The following ZFAND2B variants were observed in gnomAD, a reference collection of about 807,000 sequenced individuals.
The protein encoded by ZFAND2B is zinc finger AN1-type containing 2B, also known as AN1-type zinc finger protein 2B.
ZFAND2B carries 27 observed loss-of-function variants against 38.2 expected under a neutral mutation model. The observed-to-expected ratio is 0.71, with a 90% confidence interval of 0.52 to 0.97. The LOEUF (loss-of-function observed/expected upper bound fraction) is 0.97, where lower values mean the gene tolerates loss of function less well. Among genes scored for constraint, ZFAND2B ranks in the 50% least tolerant of loss-of-function variants. The pLI is 0.00. For missense variants in ZFAND2B, 303 were observed against 331.5 expected, an observed-to-expected ratio of 0.91 and a Z score of 0.67; for synonymous variants, 111 against 119.4, an observed-to-expected ratio of 0.93 and a Z score of 0.46.
In ZFAND2B at chr2:219,208,615, C is replaced by T; in HGVS notation, c.632C>T (p.Ala211Val). 2 of 1,614,012 alleles carry T rather than the reference C, an allele frequency of 1.2e-6. No individual in the cohort carries two copies. The highest frequency in any genetic ancestry group is 8.5e-7 in the Non-Finnish European group (1 of 1,179,920). The change falls in exon 7 of 9, where the codon GCA becomes GTA. Residue 211 changes from alanine (A) to valine (V), a missense_variant. Physicochemically the swap from Ala to Val is moderately conservative, Grantham distance 64. Transcript: ENST00000289528. Reference protein sequence around the residue: ...ALQRALEMSLAETKPQVPSCQ... With the variant: ...ALQRALEMSLVETKPQVPSCQ... ...CAGCGGGCCCTGGAAATGTCCCTGG[C>T]AGAAACCAAACCCCAGGTTCCAAGG...
rs943161371 is a variant in ZFAND2B, at chr2:219,206,783, T to C, written c.-205T>C. The C allele has an allele frequency of 8.7e-6, 4 of 458,368 alleles. No homozygotes were observed. Among genetic ancestry groups the C allele is most frequent in the South Asian group, 4.5e-5 (1 of 22,152 alleles). 28.4% of individuals were successfully genotyped at this position (458,368 alleles called of 1,614,324 possible). On this transcript the variant is annotated 5_prime_UTR_variant, in exon 1 of 9. Transcript: ENST00000289528. ...GACGCGCCAGCCCTGCGGGATGACG[T>C]CAGCGCGCCGCGCGCGCCGAGGGAG...
Position 219,208,422 on chromosome 2 carries a change from G to A in ZFAND2B, c.528-4G>A, listed in dbSNP as rs372934928. On this transcript the variant is annotated splice_region_variant and splice_polypyrimidine_tract_variant and intron_variant, in intron 5 of 8. Coordinates refer to ENST00000289528, the MANE Select transcript of ZFAND2B (RefSeq NM_138802.3). The stretch of plus-strand genomic sequence containing the variant: ...GACCTCCACCTCTTCAATGTCTGTC[G>A]TAGAGCCACAACCCGATCTCCGTCC... 2.6e-5 allele frequency: 42 copies of A among 1,613,992 alleles called. No individual in the cohort carries two copies. The highest frequency in any genetic ancestry group is 4.5e-5 in the East Asian group (2 of 44,892).
Position 219,209,004 on chromosome 2 carries a change from A to G in ZFAND2B, c.684A>G (p.Leu228=). The change falls in exon 8 of 9, where the codon TTA becomes TTG. Residue 228 remains leucine (L), a synonymous_variant. Coordinates refer to ENST00000289528, the MANE Select transcript of ZFAND2B (RefSeq NM_138802.3). The part of the protein sequence containing the change: ...PSCQEEEDLA[L]AQALSASEAE... ...GTCAGGAGGAAGAAGACCTAGCTTT[A>G]GCACAAGCACTGTCAGCCAGTGAGG... The G allele has an allele frequency of 6.2e-7, 1 of 1,614,230 alleles. No homozygotes were observed. The highest frequency in any genetic ancestry group is 2.2e-5 in the East Asian group (1 of 44,882).
chr2:219,208,375 CCT>C (rs1950522769), intron 5 of ZFAND2B, 27 bp downstream of exon 5: 2 of 1,614,222 alleles, frequency 1.2e-6, no homozygotes, highest in Non-Finnish European at 1.7e-6. Flanking sequence ...CCCTGCTCCC[CCT>C]TTTTCCCCTT....
In ZFAND2B at chr2:219,207,384, C is replaced by T; in HGVS notation, c.113C>T (p.Ala38Val). Residue 38 changes from alanine (A) to valine (V), a missense_variant, in exon 2 of 9, where the codon GCC (alanine) becomes GTC (valine). Physicochemically the swap from Ala to Val is moderately conservative, Grantham distance 64. Transcript: ENST00000289528. ...CSGIFCADHV[A>V]YAQHHCGSAY... ...GGCATCTTCTGCGCAGACCATGTGG[C>T]CTACGCCCAGCATCACTGTGGATCT... is the stretch of plus-strand genomic sequence containing the variant. The T allele has an allele frequency of 6.2e-7, 1 of 1,612,902 alleles. No individual in the cohort carries two copies. Among genetic ancestry groups the T allele is most frequent in the South Asian group, 1.1e-5 (1 of 91,072 alleles).
chr2:219,208,547 G>A (rs201722407), intron 6 of ZFAND2B, 25 bp from the exon 7 acceptor site: 1 of 1,614,206 alleles, frequency 6.2e-7, no homozygotes, highest in South Asian at 1.1e-5. Flanking sequence ...GTCCAAGGAC[G>A]CTGGTCTTCT....
Position 219,208,023 on chromosome 2 carries a change from C to A in ZFAND2B, c.419C>A (p.Pro140Gln). ...LDHDCSGEGH[P>Q]TSRAGLAAIS... ...CATGATTGCTCTGGGGAGGGGCACC[C>A]AACCAGCCGGGCAGGGTAATGGCAG... Residue 140 changes from proline to glutamine, a missense_variant, in exon 4 of 9, where the codon CCA becomes CAA. Coordinates refer to ENST00000289528, the MANE Select transcript of ZFAND2B (RefSeq NM_138802.3). The A allele has an allele frequency of 6.2e-7, 1 of 1,614,082 alleles. No homozygotes were observed. Among genetic ancestry groups the A allele is most frequent in the Non-Finnish European group, 8.5e-7 (1 of 1,180,044 alleles).
In ZFAND2B at chr2:219,208,044, G is replaced by T. The variant is rs4674366; in HGVS notation, c.434+6G>T. On this transcript the variant is annotated splice_donor_region_variant and intron_variant, in intron 4 of 8. Coordinates refer to ENST00000289528, the MANE Select transcript of ZFAND2B (RefSeq NM_138802.3). ...CACCCAACCAGCCGGGCAGGGTAATGGCAGCCAAGTCCTCCACTTGCTTTT... is the reference window on the plus strand; with the variant it reads ...CACCCAACCAGCCGGGCAGGGTAATTGCAGCCAAGTCCTCCACTTGCTTTT... 1 allele frequency: 1,609,570 copies of T among 1,613,824 alleles called. 802,735 individuals carry two copies. Among genetic ancestry groups the T allele is most frequent in the East Asian group, 1 (44,882 of 44,882 alleles).
In ZFAND2B at chr2:219,208,991, A is replaced by C. The variant is rs373975840; in HGVS notation, c.671A>C (p.Glu224Ala). 20 of 1,614,060 alleles carry C rather than the reference A, an allele frequency of 1.2e-5. No individual in the cohort carries two copies. The highest frequency in any genetic ancestry group is 1.7e-5 in the Admixed American group (1 of 59,998). ...KPQVPSCQEE[E>A]DLALAQALSA... is the part of the protein sequence containing the mutation. ...CTCCCTCCCAGTTGTCAGGAGGAAG[A>C]AGACCTAGCTTTAGCACAAGCACTG... The change falls in exon 8 of 9, where the codon GAA becomes GCA. Residue 224 changes from glutamate (E) to alanine (A), a missense_variant. Coordinates refer to ENST00000289528, the MANE Select transcript of ZFAND2B (RefSeq NM_138802.3).
rs567274225 is a variant in ZFAND2B, at chr2:219,207,889, C to A, written c.285C>A (p.Ile95=). Residue 95 remains isoleucine (I), a splice_region_variant and synonymous_variant, in exon 4 of 9, where the codon ATC becomes ATA. Transcript: ENST00000289528. ...RSDPAQQKRK[I]FTNKCERAGC... Reference sequence around the variant, plus strand: ...ACAACCTTCTCACTTCACCTCAGATCTTCACCAATAAGTGTGAACGCGCTG... The same window carrying A: ...ACAACCTTCTCACTTCACCTCAGATATTCACCAATAAGTGTGAACGCGCTG... 1.2e-6 allele frequency: 2 copies of A among 1,614,178 alleles called. No homozygotes were observed. The highest frequency in any genetic ancestry group is 2.2e-5 in the East Asian group (1 of 44,886).
intron 7 of ZFAND2B, 146 bp from the exon 8 acceptor site, chr2:219,208,831 A>G: frequency 9.6e-7 from 1 of 1,046,166 alleles, no homozygotes; most frequent in East Asian, 2.4e-5. Flanking sequence ...AAACGGGGAC[A>G]ATACTAATAC....
At chr2:219,208,674 G>GTGGGCAAGGGCT in intron 7 of ZFAND2B, 35 bp downstream of exon 7, 1 of 1,612,800 alleles carries the variant, frequency 6.2e-7, no homozygotes, top group Non-Finnish European at 8.5e-7. Flanking sequence ...AGCGCAAGCT[G>GTGGGCAAGGGCT]TGGGCAAGGG....
chr2:219,206,901 G>T lies in ZFAND2B; in HGVS notation c.-87G>T. 1.4e-6 allele frequency: 2 copies of T among 1,449,946 alleles called. No individual in the cohort carries two copies. The highest frequency in any genetic ancestry group is 1.9e-6 in the Non-Finnish European group (2 of 1,057,428). 89.8% of individuals were successfully genotyped at this position (1,449,946 alleles called of 1,614,324 possible). On this transcript the variant is annotated 5_prime_UTR_variant, in exon 1 of 9. Coordinates refer to ENST00000289528, the MANE Select transcript of ZFAND2B (RefSeq NM_138802.3). Reference sequence around the variant, plus strand: ...GGCGGGGCAGGGAGCCCGCCAGAGTGCGGGGTCGCGGTGCGGACTTCGAGC... The same window carrying T: ...GGCGGGGCAGGGAGCCCGCCAGAGTTCGGGGTCGCGGTGCGGACTTCGAGC...
chr2:219,209,100 C>T, intron 8 of ZFAND2B, 51 bp downstream of exon 8: 1 of 1,608,004 alleles, frequency 6.2e-7, no homozygotes, highest in Non-Finnish European at 8.5e-7. Flanking sequence ...AGGAAGAAGT[C>T]AGGGATGGGG....
In ZFAND2B at chr2:219,209,412, A is replaced by T; in HGVS notation, c.*106A>T. 7.2e-7 allele frequency: 1 copy of T among 1,383,872 alleles called. No individual in the cohort carries two copies. The highest frequency in any genetic ancestry group is 1.0e-6 in the Non-Finnish European group (1 of 991,428). 85.7% of individuals were successfully genotyped at this position (1,383,872 alleles called of 1,614,324 possible). A position where few individuals can be genotyped will look rare whatever the true frequency, so the allele number is the denominator to read the frequency against. ...CGGAGCACCCTGGAGGGCAGAGACAAGCGGGAGTGATGTGGAGGTCGCCCT... is the reference window on the plus strand; with the variant it reads ...CGGAGCACCCTGGAGGGCAGAGACATGCGGGAGTGATGTGGAGGTCGCCCT... On this transcript the variant is annotated 3_prime_UTR_variant, in exon 9 of 9. Coordinates refer to ENST00000289528, the MANE Select transcript of ZFAND2B (RefSeq NM_138802.3).
At position 219,207,356 on chromosome 2, in the gene ZFAND2B, T is replaced by C. The variant is rs759003018; in HGVS notation, c.85T>C (p.Ser29Pro). The change falls in exon 2 of 9, where the codon TCA becomes CCA. Residue 29 changes from serine (S) to proline (P), a missense_variant. Transcript: ENST00000289528. ...TCTGCCGCTTAAGTGTGATGCCTGC[T>C]CAGGCATCTTCTGCGCAGACCATGT... is the stretch of plus-strand genomic sequence containing the variant. ...DFLPLKCDAC[S>P]GIFCADHVAY... The C allele has an allele frequency of 6.8e-6, 11 of 1,613,746 alleles. No homozygotes were observed. The highest frequency in any genetic ancestry group is 9.3e-6 in the Non-Finnish European group (11 of 1,179,756).
intron 8 of ZFAND2B, 49 bp from the exon 9 acceptor site, chr2:219,209,213 C>T (rs772498792): frequency 2.5e-5 from 40 of 1,582,340 alleles, no homozygotes; most frequent in African/African-American, 4.0e-5. Context: ...TCCCTCATTT[C>T]CTTGACGTTG....
rs1438763643 is a variant in ZFAND2B, at chr2:219,208,278, C to T, written c.457C>T (p.Gln153Ter). 1.9e-6 allele frequency: 3 copies of T among 1,614,218 alleles called. No homozygotes were observed. The highest frequency in any genetic ancestry group is 2.5e-6 in the Non-Finnish European group (3 of 1,180,046). The change falls in exon 5 of 9, where the codon CAA becomes TAA. Residue 153 changes from glutamine (Q) to a stop codon, truncating the protein, a stop_gained. Coordinates refer to ENST00000289528, the MANE Select transcript of ZFAND2B (RefSeq NM_138802.3). LOFTEE classifies it high-confidence loss of function. The stretch of plus-strand genomic sequence containing the variant: ...CAGACTTGCTGCCATCTCCAGAGCA[C>T]AAGCTGTGGCTTCTACAAGCACTGT... ...RAGLAAISRA[Q>*]AVASTSTVPS...
chr2:219,207,768 C>CA lies in ZFAND2B; in HGVS notation c.276dup (p.Arg93ThrfsTer2), dbSNP rs1207166602. The CA allele has an allele frequency of 6.2e-7, 1 of 1,614,116 alleles. No homozygotes were observed. The highest frequency in any genetic ancestry group is 1.1e-5 in the South Asian group (1 of 91,082). On this transcript the variant is annotated frameshift_variant, in exon 3 of 9. Transcript: ENST00000289528. LOFTEE classifies it high-confidence loss of function. ...AGACTGTCGCTCTGATCCAGCACAG[C>CA]AAAAACGTAAGGTAAACATTGTAGG...
Sources: allele counts gnomAD v4.1 joint callset, GRCh38; gene constraint gnomAD v4.1.1; transcripts MANE v1.5; gene names NCBI Gene and HGNC (gene_info 2026-07-23, HGNC 2026-07-21).